Variants in TRIM66 observed in about 807,000 individuals in gnomAD.
TRIM66 encodes tripartite motif containing 66.
A neutral mutation model predicts 148.2 loss-of-function variants in TRIM66; 99 were observed. The ratio of observed to expected loss-of-function variants is 0.67; its 90% CI spans 0.57 to 0.79. TRIM66 has a LOEUF of 0.79. Ranked by LOEUF, TRIM66 falls within the 30% of genes least tolerant of loss-of-function variation. TRIM66 has a pLI of 0.00. For missense variants in TRIM66, 1,666 were observed against 1,697.9 expected (o/e 0.98, Z 0.33); for synonymous variants, 616 against 635.9 (o/e 0.97, Z 0.47).
chr11:8,628,490 G>A (rs2035066531), intron 15 of TRIM66, among the ~76,000 whole-genome samples: 1 of 151,856 alleles, frequency 6.6e-6, no homozygotes, highest in African/African-American at 2.4e-5. Flanking sequence ...GCATGGGCCT[G>A]TGGTCCCAGA....
At chr11:8,636,956 C>G (rs562634505) in intron 15 of TRIM66, among the ~76,000 whole-genome samples, 1 of 152,166 alleles carries the variant, frequency 6.6e-6, no homozygotes, top group Non-Finnish European at 1.5e-5. Context: ...TGAAGCCCCC[C>G]TAACTGCCCC....
At chr11:8,664,766 G>A (rs2038483765) in intron 6 of TRIM66, among the ~76,000 whole-genome samples, 1 of 152,110 alleles carries the variant, frequency 6.6e-6, no homozygotes, top group African/African-American at 2.4e-5. Flanking sequence ...GGGCTGCGGG[G>A]TTACAAACAT....
intron 11 of TRIM66, 131 bp downstream of exon 11, chr11:8,646,314 AAT>A: frequency 1.4e-6 from 1 of 732,106 alleles, no homozygotes. Flanking sequence ...GACATTTTAA[AAT>A]ACAGGGAGCA....
intron 6 of TRIM66, among the ~76,000 whole-genome samples, chr11:8,659,360 T>C (rs988702334): frequency 1.3e-5 from 2 of 151,894 alleles, no homozygotes; most frequent in African/African-American, 2.4e-5. Context: ...GGACCCTAAA[T>C]AAGGGTAAAA....
intron 6 of TRIM66, among the ~76,000 whole-genome samples, chr11:8,657,474 G>A (rs1565553570): frequency 6.6e-6 from 1 of 152,062 alleles, no homozygotes; most frequent in Non-Finnish European, 1.5e-5. Context: ...CCCTGGGACA[G>A]GGAGGAGCTT....
intron 15 of TRIM66, among the ~76,000 whole-genome samples, chr11:8,638,090 A>G (rs2036046487): frequency 6.6e-6 from 1 of 152,234 alleles, no homozygotes; most frequent in African/African-American, 2.4e-5. Flanking sequence ...ACATCCCTGC[A>G]GATCACTCAC....
chr11:8,628,612 CAAA>C (rs750649249), intron 15 of TRIM66, among the ~76,000 whole-genome samples: 2 of 80,636 alleles, frequency 2.5e-5, no homozygotes, highest in Admixed American at 1.5e-4. Context: ...GACCCTGTCT[CAAA>C]AAAAAAAAAA....
intron 11 of TRIM66, 129 bp from the exon 12 acceptor site, chr11:8,646,016 G>T: frequency 1.1e-6 from 1 of 889,382 alleles, no homozygotes; most frequent in African/African-American, 1.7e-5. Context: ...GAGGACAGCA[G>T]GGCAGAGTGT....
chr11:8,682,763 A>G, upstream of TRIM66: 1 of 1,613,460 alleles, frequency 6.2e-7, no homozygotes, highest in Non-Finnish European at 8.5e-7. Context: ...CCCGTGGCCG[A>G]TACCTCGCGA....
chr11:8,648,172 G>A lies in TRIM66; in HGVS notation c.726-86C>T, dbSNP rs113342943. On this transcript the variant is annotated intron_variant, in intron 9 of 24. Coordinates refer to ENST00000646038, the MANE Select transcript of TRIM66 (RefSeq NM_001388022.1). Reference sequence around the variant, plus strand: ...CAAGCGGGAATCTCCACAGGGAACTGTCTCAGCCAGACCCATGGAAGCTGT... The same window carrying A: ...CAAGCGGGAATCTCCACAGGGAACTATCTCAGCCAGACCCATGGAAGCTGT... The A allele has an allele frequency of 1.0e-4, 133 of 1,270,654 alleles. No individual in the cohort carries two copies. In the African/African-American group the frequency reaches 1.8e-3, roughly 17 times the overall value. The allele number at this position is 1,270,654 out of a possible 1,614,324, so 78.7% of individuals were successfully genotyped here. A position where few individuals can be genotyped will look rare whatever the true frequency, so the allele number is the denominator to read the frequency against.
chr11:8,634,715 A>G (rs2035726445), intron 15 of TRIM66, among the ~76,000 whole-genome samples: 1 of 152,206 alleles, frequency 6.6e-6, no homozygotes, highest in Admixed American at 6.5e-5. Context: ...TAGAAAATCC[A>G]TTCTAGAACT....
chr11:8,683,055 G>T, upstream of TRIM66: 4 of 920,698 alleles, frequency 4.3e-6, no homozygotes, highest in Admixed American at 8.9e-5. Context: ...AGACCTCACG[G>T]CCCTGAGCGG....
intron 15 of TRIM66, among the ~76,000 whole-genome samples, chr11:8,627,821 G>T (rs1021389923): frequency 6.6e-6 from 1 of 152,116 alleles, no homozygotes. Flanking sequence ...TCCATGAATA[G>T]TAAGTTTTTG....
chr11:8,625,816 TG>T (rs777792196), intron 15 of TRIM66, among the ~76,000 whole-genome samples: 2 of 152,228 alleles, frequency 1.3e-5, no homozygotes, highest in Non-Finnish European at 2.9e-5. Context: ...CAATCAGTCC[TG>T]GGGAACCTGG....
rs943918922 is a variant in TRIM66 at position 8,615,055 on chromosome 11, A to G, written c.*2889T>C. 3 of 152,290 alleles carry G rather than the reference A, an allele frequency of 2.0e-5. No homozygotes were observed. Among genetic ancestry groups the G allele is most frequent in the African/African-American group, 7.2e-5 (3 of 41,432 alleles). The allele number at this position is 152,290 out of a possible 1,614,324, so 9.4% of individuals were successfully genotyped here. ...GCAATTCTCCTGCCTCAGCCTCCCA[A>G]GTAGCTGGGATTACAGGCATGTGCC... On this transcript the variant is annotated 3_prime_UTR_variant, in exon 25 of 25. Coordinates refer to ENST00000646038, the MANE Select transcript of TRIM66 (RefSeq NM_001388022.1).
chr11:8,665,906 A>G (rs764486521), intron 6 of TRIM66, among the ~76,000 whole-genome samples: 4 of 151,828 alleles, frequency 2.6e-5, no homozygotes, highest in Non-Finnish European at 5.9e-5. Flanking sequence ...CCGAGATCTC[A>G]CCACTGCACT....
Position 8,648,327 on chromosome 11 carries a change from G to A in TRIM66, c.725+89C>T, listed in dbSNP as rs148271698. ...TGCAGGTTGGCTTGGGCAGGGAGAA[G>A]ATTCTGATGCACGGGGATTCCCAGA... On this transcript the variant is annotated intron_variant, in intron 9 of 24. Transcript: ENST00000646038. 2.3e-3 allele frequency: 3,515 copies of A among 1,502,822 alleles called. 48 individuals carry two copies. In the Admixed American group the frequency reaches 0.036, roughly 16 times the overall value. The allele number at this position is 1,502,822 out of a possible 1,614,324, so 93.1% of individuals were successfully genotyped here.
chr11:8,672,133 A>C, intron 5 of TRIM66, 35 bp from the exon 6 acceptor site: 4 of 1,529,230 alleles, frequency 2.6e-6, no homozygotes, highest in Non-Finnish European at 3.5e-6. Flanking sequence ...TGATCTACTT[A>C]TTTTGAGCAG....
intron 6 of TRIM66, among the ~76,000 whole-genome samples, chr11:8,665,007 A>G: frequency 6.6e-6 from 1 of 152,084 alleles, no homozygotes; most frequent in Non-Finnish European, 1.5e-5. Flanking sequence ...ACTCAGCCCC[A>G]TGTAGCGTGG....
Sources: allele counts gnomAD v4.1 joint callset (sites outside exome capture counted in the v4.1 genomes callset), GRCh38; gene constraint gnomAD v4.1.1; transcripts MANE v1.5; gene names NCBI Gene and HGNC (gene_info 2026-07-23, HGNC 2026-07-21).